ADAM32: variants seen among roughly 807,000 people sequenced by gnomAD.
ADAM32 encodes disintegrin and metalloproteinase domain-containing protein 32.
A neutral mutation model predicts 114.9 loss-of-function variants in ADAM32; 89 were observed. That is an observed-to-expected ratio of 0.77 (90% CI 0.65 to 0.92). The LOEUF is 0.92. Ranked by LOEUF, ADAM32 falls within the 40% of genes least tolerant of loss-of-function variation. The probability of loss-of-function intolerance (pLI) is 0.00; values close to 1 mark genes in which losing one functional copy is unlikely to be tolerated. For synonymous variants in ADAM32, 285 were observed against 307.5 expected, an observed-to-expected ratio of 0.93 and a Z score of 0.77; for missense variants, 870 against 932.8, an observed-to-expected ratio of 0.93 and a Z score of 0.88.
At chr8:39,270,989 C>A in intron 20 of ADAM32, 75 bp downstream of exon 20, 1 of 1,430,104 alleles carries the variant, frequency 7.0e-7, no homozygotes, top group Non-Finnish European at 9.6e-7. Flanking sequence ...AATTTATTTC[C>A]AATTTTTTTT....
rs934516160 is a variant in ADAM32, at chr8:39,194,384, T to C, written c.1052+7339T>C. On this transcript the variant is annotated intron_variant, in intron 11 of 24. Coordinates refer to ENST00000379907, the MANE Select transcript of ADAM32 (RefSeq NM_145004.7). ...AGAGGGATGGTATGGGGTACACCAA[T>C]GCTGGCAGCAGTGTTTTGGCAGGGT... 3.9e-5 allele frequency among the ~76,000 whole-genome samples: 6 copies of C among 152,226 alleles called. No individual in the cohort carries two copies. In the East Asian group the frequency reaches 5.8e-4, roughly 15 times the overall value.
At chr8:39,133,067 A>T (rs888618277) in intron 2 of ADAM32, among the ~76,000 whole-genome samples, 2 of 151,794 alleles carry the variant, frequency 1.3e-5, no homozygotes, top group Non-Finnish European at 2.9e-5. Flanking sequence ...GGACCATGCT[A>T]TTGTTGGGAT....
Position 39,231,356 on chromosome 8 carries a change from C to T in ADAM32, c.1526-671C>T, listed in dbSNP as rs565826840. Among the ~76,000 whole-genome samples the T allele has an allele frequency of 5.7e-3, 695 of 120,960 alleles. 7 individuals are homozygous for T. Among genetic ancestry groups the T allele is most frequent in the African/African-American group, 0.02 (629 of 31,324 alleles). 79.4% of individuals were successfully genotyped at this position (120,960 alleles called of 152,430 possible). Reference sequence around the variant, plus strand: ...GCTACAACTGCAAAAAACTGAACTACTAACAACCAGTGACCTCTGAAGGTA... The same window carrying T: ...GCTACAACTGCAAAAAACTGAACTATTAACAACCAGTGACCTCTGAAGGTA... On this transcript the variant is annotated intron_variant, in intron 14 of 24. Coordinates refer to ENST00000379907, the MANE Select transcript of ADAM32 (RefSeq NM_145004.7).
chr8:39,254,575 C>A, intron 18 of ADAM32, 59 bp downstream of exon 18: 1 of 1,336,664 alleles, frequency 7.5e-7, no homozygotes, highest in African/African-American at 1.5e-5. Context: ...CTTATCTTCA[C>A]TAAAACAAAG....
At chr8:39,205,089 G>A (rs533443507) in intron 11 of ADAM32, among the ~76,000 whole-genome samples, 2 of 152,360 alleles carry the variant, frequency 1.3e-5, no homozygotes, top group African/African-American at 4.8e-5. Context: ...CCCACTTGAG[G>A]AGGCAGTCTG....
intron 3 of ADAM32, among the ~76,000 whole-genome samples, chr8:39,141,603 C>T: frequency 6.6e-6 from 1 of 152,186 alleles, no homozygotes; most frequent in East Asian, 1.9e-4. Context: ...GAGTGTTTTA[C>T]TACCAATGAT....
At chr8:39,169,887 C>A in intron 9 of ADAM32, 29 bp from the exon 10 acceptor site, 1 of 1,440,376 alleles carries the variant, frequency 6.9e-7, no homozygotes, top group South Asian at 1.3e-5. Flanking sequence ...CTGTTAAAAT[C>A]AATTATAAAT....
chr8:39,256,085 G>A (rs1047101283), intron 18 of ADAM32, among the ~76,000 whole-genome samples: 1 of 151,838 alleles, frequency 6.6e-6, no homozygotes, highest in Non-Finnish European at 1.5e-5. Context: ...ATTGGTCTCT[G>A]TGTCTATTTT....
intron 2 of ADAM32, among the ~76,000 whole-genome samples, chr8:39,133,153 A>C (rs759204341): frequency 1.1e-4 from 16 of 152,154 alleles, no homozygotes; most frequent in Non-Finnish European, 1.9e-4. Flanking sequence ...TGTTTGGGTC[A>C]TGATGTCCCT....
chr8:39,138,701 G>A (rs1381306263), intron 3 of ADAM32, among the ~76,000 whole-genome samples: 3 of 152,096 alleles, frequency 2.0e-5, no homozygotes, highest in Non-Finnish European at 2.9e-5. Context: ...TAATGGGATC[G>A]CTGGGTCAAA....
At chr8:39,236,736 A>G (rs574754840) in intron 16 of ADAM32, among the ~76,000 whole-genome samples, 8 of 152,174 alleles carry the variant, frequency 5.3e-5, no homozygotes, top group African/African-American at 7.2e-5. Flanking sequence ...AGGCTAAATA[A>G]CACATGGGTC....
chr8:39,262,204 G>C (rs143393922), intron 19 of ADAM32, among the ~76,000 whole-genome samples: 1 of 143,220 alleles, frequency 7.0e-6, no homozygotes, highest in East Asian at 2.0e-4. Context: ...TCCGTTATGA[G>C]TTTTTTTTTT....
At chr8:39,218,076 G>A (rs115349539) in intron 12 of ADAM32, among the ~76,000 whole-genome samples, 109 of 151,792 alleles carry the variant, frequency 7.2e-4, no homozygotes, top group African/African-American at 2.5e-3. Context: ...TGCATTAGGG[G>A]TCACCCCAAC....
intron 22 of ADAM32, among the ~76,000 whole-genome samples, chr8:39,277,056 A>G (rs1585708057): frequency 1.4e-5 from 1 of 69,836 alleles, no homozygotes; most frequent in South Asian, 3.5e-4. Flanking sequence ...AGACAAATCT[A>G]TATATATATG....
chr8:39,271,215 T>A (rs1258863080), intron 20 of ADAM32, among the ~76,000 whole-genome samples: 1 of 152,156 alleles, frequency 6.6e-6, no homozygotes, highest in Non-Finnish European at 1.5e-5. Flanking sequence ...TTACCCAGCT[T>A]GTGTTATAGA....
intron 16 of ADAM32, among the ~76,000 whole-genome samples, chr8:39,238,304 C>T (rs1416277643): frequency 4.6e-5 from 7 of 152,280 alleles, no homozygotes; most frequent in African/African-American, 1.2e-4. Flanking sequence ...AGCTCCACTG[C>T]GTGGCTAGAC....
rs201567035 is a variant in ADAM32 at position 39,186,980 on chromosome 8, A to G, written c.987A>G (p.Ile329Met). 3.5e-5 allele frequency: 57 copies of G among 1,613,166 alleles called. No individual in the cohort carries two copies. In the African/African-American group the frequency reaches 7.1e-4, roughly 20 times the overall value. The change falls in exon 11 of 25, where the codon ATA becomes ATG. Residue 329 changes from isoleucine (I) to methionine (M), a missense_variant. Physicochemically the swap from Ile to Met is conservative, Grantham distance 10. Coordinates refer to ENST00000379907, the MANE Select transcript of ADAM32 (RefSeq NM_145004.7). ...VTQMLALSLG[I>M]SYDDPKKCQC... The stretch of plus-strand genomic sequence containing the variant: ...AGATGCTGGCACTCAGTCTGGGAAT[A>G]TCATATGACGACCCAAAGAAATGTC...
intron 22 of ADAM32, among the ~76,000 whole-genome samples, chr8:39,278,635 C>CATT (rs912306985): frequency 2.6e-5 from 4 of 151,216 alleles, no homozygotes; most frequent in Admixed American, 6.6e-5. Flanking sequence ...CCCTACCCTC[C>CATT]ATTATTATTA....
Position 39,149,839 on chromosome 8 carries a change from G to A in ADAM32, c.325G>A (p.Val109Ile). The A allele has an allele frequency of 6.2e-7, 1 of 1,611,662 alleles. No individual in the cohort carries two copies. Among genetic ancestry groups the A allele is most frequent in the South Asian group, 1.1e-5 (1 of 90,710 alleles). Residue 109 changes from valine (V) to isoleucine (I), a missense_variant, in exon 5 of 25, where the codon GTC (valine) becomes ATC (isoleucine). Coordinates refer to ENST00000379907, the MANE Select transcript of ADAM32 (RefSeq NM_145004.7). Reference protein sequence around the residue: ...GNIEGYPDSMVTLSTCSGLRG... With the variant: ...GNIEGYPDSMITLSTCSGLRG... ...TATTGAAGGATATCCAGATTCCATG[G>A]TCACACTCAGCACGTGCTCTGGACT... is the stretch of plus-strand genomic sequence containing the variant.
Sources: allele counts gnomAD v4.1 joint callset (sites outside exome capture counted in the v4.1 genomes callset), GRCh38; gene constraint gnomAD v4.1.1; transcripts MANE v1.5; gene names NCBI Gene and HGNC (gene_info 2026-07-23, HGNC 2026-07-21).